The following MFSD11 variants were observed in gnomAD, a reference collection of about 807,000 sequenced individuals.
MFSD11 encodes UNC93-like protein MFSD11.
A neutral mutation model predicts 53.5 loss-of-function variants in MFSD11; 36 were observed. That is an observed-to-expected ratio of 0.67 (90% CI 0.52 to 0.89). The LOEUF (loss-of-function observed/expected upper bound fraction) is 0.89. Ranked by LOEUF, MFSD11 falls within the 40% of genes least tolerant of loss-of-function variation. The probability of loss-of-function intolerance (pLI) is 0.00; values close to 1 mark genes in which losing one functional copy is unlikely to be tolerated. For missense variants in MFSD11, 530 were observed against 543.9 expected, an observed-to-expected ratio of 0.97 and a Z score of 0.25; for synonymous variants, 186 against 184.9, an observed-to-expected ratio of 1.01 and a Z score of -0.05.
At position 76,741,965 on chromosome 17, in the gene MFSD11, T is replaced by G. The variant is rs1380877387; in HGVS notation, c.261-4T>G. On this transcript the variant is annotated splice_polypyrimidine_tract_variant and splice_region_variant and intron_variant, in intron 3 of 12. Transcript: ENST00000685175. Reference sequence around the variant, plus strand: ...CTGTAATACCTTGACCTGTTATATTTTAGCATGTACATTGCCGTTTTCATC... The same window carrying G: ...CTGTAATACCTTGACCTGTTATATTGTAGCATGTACATTGCCGTTTTCATC... The G allele has an allele frequency of 1.9e-6, 3 of 1,614,058 alleles. No homozygotes were observed. The highest frequency in any genetic ancestry group is 1.3e-5 in the African/African-American group (1 of 74,926).
chr17:76,742,297 TCTTTC>T (rs1390166488), intron 5 of MFSD11, 24 bp downstream of exon 5: 3 of 1,567,970 alleles, frequency 1.9e-6, no homozygotes, highest in Non-Finnish European at 2.6e-6. Flanking sequence ...TGAGGTTCAG[TCTTTC>T]CTTTTCTTTC....
In MFSD11 at chr17:76,747,325, G is replaced by T. The variant is rs115591778; in HGVS notation, c.641+2859G>T. Among the ~76,000 whole-genome samples the T allele has an allele frequency of 5.2e-3, 786 of 151,062 alleles. 5 individuals are homozygous for T. The highest frequency in any genetic ancestry group is 0.018 in the African/African-American group (733 of 41,148). ...GCTTAGGAGTTTGAGACCAGACGGG[G>T]CAACATGGTGAAACTTTTTTTTTTT... On this transcript the variant is annotated intron_variant, in intron 7 of 12. Coordinates refer to ENST00000685175, the MANE Select transcript of MFSD11 (RefSeq NM_001242532.5).
chr17:76,770,342 A>G (rs2081285897), intron 10 of MFSD11, among the ~76,000 whole-genome samples: 2 of 152,054 alleles, frequency 1.3e-5, no homozygotes, highest in Non-Finnish European at 2.9e-5. Flanking sequence ...CCGGCCTATT[A>G]TTGCTATTCT....
At chr17:76,790,488 C>T in the MFSD11 span, among the ~76,000 whole-genome samples, 14 of 147,000 alleles carry the variant, frequency 9.5e-5, 1 homozygote, top group African/African-American at 3.3e-4. Flanking sequence ...ATTACAGGTG[C>T]GCGCCACCAT....
intron 8 of MFSD11, among the ~76,000 whole-genome samples, chr17:76,758,933 A>C (rs935009601): frequency 8.5e-5 from 13 of 152,060 alleles, no homozygotes; most frequent in Non-Finnish European, 1.5e-5. Context: ...CCTTACTGAT[A>C]ACATAAACAG....
In MFSD11 at chr17:76,751,818, A is replaced by G. The variant is rs139038097; in HGVS notation, c.642-2229A>G. Among the ~76,000 whole-genome samples the G allele has an allele frequency of 9.1e-3, 1,392 of 152,282 alleles. 21 individuals carry two copies. Among genetic ancestry groups the G allele is most frequent in the African/African-American group, 0.031 (1,289 of 41,548 alleles). On this transcript the variant is annotated intron_variant, in intron 7 of 12. Coordinates refer to ENST00000685175, the MANE Select transcript of MFSD11 (RefSeq NM_001242532.5). ...ACTTGCATTATCTTATTTAATTCCCATGGGTAAGTCGTAGCATCCCTATTT... is the reference window on the plus strand; with the variant it reads ...ACTTGCATTATCTTATTTAATTCCCGTGGGTAAGTCGTAGCATCCCTATTT...
chr17:76,761,639 C>A lies in MFSD11; in HGVS notation c.683-5747C>A, dbSNP rs1236037314. 2.6e-5 allele frequency among the ~76,000 whole-genome samples: 4 copies of A among 152,124 alleles called. No individual in the cohort carries two copies. The East Asian group carries it at 7.7e-4, about 29-fold the overall frequency. On this transcript the variant is annotated intron_variant, in intron 8 of 12. Coordinates refer to ENST00000685175, the MANE Select transcript of MFSD11 (RefSeq NM_001242532.5). ...TTTAAATTGAGATATAATTCATATACTGGCCGGGCGCAGTGGCTCACGCCT... is the reference window on the plus strand; with the variant it reads ...TTTAAATTGAGATATAATTCATATAATGGCCGGGCGCAGTGGCTCACGCCT...
chr17:76,737,307 A>C (rs189258444), upstream of MFSD11: 1 of 1,155,642 alleles, frequency 8.7e-7, no homozygotes, highest in Non-Finnish European at 1.2e-6. Flanking sequence ...CGGGCTCCGC[A>C]GGCTAGCGCA....
chr17:76,794,206 G>T, the MFSD11 span, among the ~76,000 whole-genome samples: 1 of 151,412 alleles, frequency 6.6e-6, no homozygotes, highest in Non-Finnish European at 1.5e-5. Flanking sequence ...CATCTGGGCT[G>T]GGTGTGGTGG....
intron 8 of MFSD11, 197 bp from the exon 9 acceptor site, chr17:76,767,189 T>G (rs2080923941): frequency 3.9e-6 from 2 of 506,916 alleles, no homozygotes; most frequent in South Asian, 5.7e-5. Context: ...TAGAATGTAT[T>G]TAAGCACTTG....
chr17:76,738,874 A>C (rs1285737982), intron 1 of MFSD11, 64 bp from the exon 2 acceptor site: 1 of 1,297,022 alleles, frequency 7.7e-7, no homozygotes, highest in East Asian at 2.3e-5. Context: ...TTGGAGTCAC[A>C]CTTCCCAAGG....
At chr17:76,801,504 T>G in the MFSD11 span, among the ~76,000 whole-genome samples, 1 of 142,020 alleles carries the variant, frequency 7.0e-6, no homozygotes, top group Non-Finnish European at 1.5e-5. Context: ...TGGAGTGCAA[T>G]GGCATGATCT....
At chr17:76,753,908 GAGCATTCGAGTC>G (rs2079313786) in intron 7 of MFSD11, 127 bp from the exon 8 acceptor site, 1 of 634,352 alleles carries the variant, frequency 1.6e-6, no homozygotes, top group Admixed American at 2.8e-5. Flanking sequence ...CTGAGGCAAG[GAGCATTCGAGTC>G]ACTGGGAATG....
chr17:76,742,315 T>A (rs1420566115), intron 5 of MFSD11, 42 bp downstream of exon 5: 3 of 1,538,186 alleles, frequency 2.0e-6, no homozygotes, highest in East Asian at 4.5e-5. Context: ...TTTCTTTCTT[T>A]TTTTTCTGTC....
downstream of MFSD11, among the ~76,000 whole-genome samples, chr17:76,784,149 G>A (rs1221215390): frequency 6.6e-6 from 1 of 152,094 alleles, no homozygotes; most frequent in Non-Finnish European, 1.5e-5. Flanking sequence ...GTTAAAAGCA[G>A]ACTTGAAGCA....
At position 76,742,177 on chromosome 17, in the gene MFSD11, T is replaced by G. The variant is rs2078146900; in HGVS notation, c.341T>G (p.Val114Gly). The change falls in exon 5 of 13, where the codon GTG becomes GGG. Residue 114 changes from valine (V) to glycine (G), a missense_variant and splice_region_variant. Physicochemically the swap from Val to Gly is moderately radical, Grantham distance 109. Transcript: ENST00000685175. ...GATAAACTTTTGGGTTGAATTTTAG[T>G]GCTTTGGACAGCACAAGGAAACTGC... ...ASVFIGIAAA[V>G]LWTAQGNCLT... The G allele has an allele frequency of 6.2e-7, 1 of 1,614,158 alleles. No homozygotes were observed.
chr17:76,795,003 C>T, the MFSD11 span, among the ~76,000 whole-genome samples: 1 of 151,720 alleles, frequency 6.6e-6, no homozygotes, highest in Non-Finnish European at 1.5e-5. Context: ...CGAAAATGTA[C>T]TCTTAACCAC....
intron 3 of MFSD11, among the ~76,000 whole-genome samples, chr17:76,741,499 C>T (rs1350982063): frequency 6.6e-6 from 1 of 152,138 alleles, no homozygotes; most frequent in Non-Finnish European, 1.5e-5. Context: ...ATGGGCCAGG[C>T]ACAGTGGCTC....
At chr17:76,797,474 A>G in the MFSD11 span, among the ~76,000 whole-genome samples, 3 of 152,216 alleles carry the variant, frequency 2.0e-5, no homozygotes, top group African/African-American at 7.2e-5. Context: ...TATACTTAGC[A>G]TATAATGAGG....
Sources: allele counts gnomAD v4.1 joint callset (sites outside exome capture counted in the v4.1 genomes callset), GRCh38; gene constraint gnomAD v4.1.1; transcripts MANE v1.5; gene names NCBI Gene and HGNC (gene_info 2026-07-23, HGNC 2026-07-21).